The following VPS13B variants were observed in gnomAD, a reference collection of about 807,000 sequenced individuals.
The protein encoded by VPS13B is vacuolar protein sorting 13 homolog B.
VPS13B carries 285 observed loss-of-function variants against 426.4 expected under a neutral mutation model. The ratio of observed to expected loss-of-function variants is 0.67; its 90% CI spans 0.61 to 0.74. VPS13B has a LOEUF of 0.74. Ranked by LOEUF, VPS13B falls within the 30% of genes least tolerant of loss-of-function variation. The pLI is 0.00. For synonymous variants in VPS13B, 1,676 were observed against 1,676.4 expected (o/e 1.00, Z 0.01); for missense variants, 4,537 against 4,782.6 (o/e 0.95, Z 1.51).
intron 33 of VPS13B, among the ~76,000 whole-genome samples, chr8:99,592,169 T>C (rs1826719231): frequency 6.6e-6 from 1 of 152,038 alleles, no homozygotes; most frequent in Admixed American, 6.6e-5. Context: ...CTCCATCAGG[T>C]CATTTAAGGT....
rs1563687374 is a variant in VPS13B at position 99,360,238 on chromosome 8, CTCTCCTTCCTTCCTTCCT to C, written c.2825-23967_2825-23950del. 2.9e-3 allele frequency among the ~76,000 whole-genome samples: 279 copies of C among 95,326 alleles called. 17 individuals are homozygous for C. Among genetic ancestry groups the C allele is most frequent in the African/African-American group, 0.011 (263 of 23,138 alleles). 62.5% of individuals were successfully genotyped at this position (95,326 alleles called of 152,430 possible). A position where few individuals can be genotyped will look rare whatever the true frequency, so the allele number is the denominator to read the frequency against. On this transcript the variant is annotated intron_variant, in intron 19 of 61. Transcript: ENST00000357162. ...TCTTTCTTTCTTTCTTTCTTTCTCT[CTCTCCTTCCTTCCTTCCT>C]TCCTTCCTTCCTTCCTTCCTTCCTT...
At chr8:99,378,137 C>T (rs1037123662) in intron 19 of VPS13B, among the ~76,000 whole-genome samples, 6 of 125,514 alleles carry the variant, frequency 4.8e-5, no homozygotes, top group Non-Finnish European at 1.0e-4. Flanking sequence ...TTTTAGAGCC[C>T]CCCCCCCCCG....
At chr8:99,078,742 C>T (rs368113599) in intron 3 of VPS13B, among the ~76,000 whole-genome samples, 4 of 152,050 alleles carry the variant, frequency 2.6e-5, no homozygotes, top group African/African-American at 4.8e-5. Flanking sequence ...GTAGCAATAG[C>T]GGTGGCAGGC....
chr8:99,684,850 C>A (rs1170328942), intron 35 of VPS13B, among the ~76,000 whole-genome samples: 1 of 152,242 alleles, frequency 6.6e-6, no homozygotes, highest in African/African-American at 2.4e-5. Context: ...GTCGCCCAGG[C>A]TGGAGTGCAG....
intron 33 of VPS13B, among the ~76,000 whole-genome samples, chr8:99,580,624 C>T (rs571728180): frequency 2.5e-4 from 38 of 151,538 alleles, no homozygotes; most frequent in Non-Finnish European, 4.3e-4. Flanking sequence ...CTGAGGTGGG[C>T]GGATTGCTTG....
chr8:99,823,784 T>C (rs760283066), intron 50 of VPS13B, 48 bp from the exon 51 acceptor site: 2 of 1,580,054 alleles, frequency 1.3e-6, no homozygotes, highest in Admixed American at 3.3e-5. Flanking sequence ...GAGATTTTGA[T>C]ATGCCTTACA....
At chr8:99,755,734 C>T (rs1471192618) in intron 39 of VPS13B, among the ~76,000 whole-genome samples, 1 of 151,804 alleles carries the variant, frequency 6.6e-6, no homozygotes, top group Non-Finnish European at 1.5e-5. Context: ...GTGCCACTGC[C>T]CTGCAGCCTG....
chr8:99,104,648 G>A lies in VPS13B; in HGVS notation c.580+1528G>A, dbSNP rs375439608. Among the ~76,000 whole-genome samples, 6 of 147,274 alleles carry A rather than the reference G, an allele frequency of 4.1e-5. No individual in the cohort carries two copies. The South Asian group carries it at 8.7e-4, about 21-fold the overall frequency. ...TCTTCCCCCTTTCCTTTTTGAGAAA[G>A]GGTCTCATTCTGTTGCCCAGGCTGG... On this transcript the variant is annotated intron_variant, in intron 5 of 61. Transcript: ENST00000357162.
At chr8:99,355,769 T>C (rs932899443) in intron 19 of VPS13B, among the ~76,000 whole-genome samples, 2 of 152,204 alleles carry the variant, frequency 1.3e-5, no homozygotes, top group Non-Finnish European at 2.9e-5. Flanking sequence ...AGCTCACATA[T>C]CAGTTTCATA....
chr8:99,697,875 A>G (rs1197244983), intron 35 of VPS13B: 3 of 531,966 alleles, frequency 5.6e-6, no homozygotes, highest in Non-Finnish European at 1.1e-5. Context: ...GTCAACATCA[A>G]TGACCTCATC....
At chr8:99,335,070 C>T (rs1382623378) in intron 19 of VPS13B, among the ~76,000 whole-genome samples, 1 of 152,138 alleles carries the variant, frequency 6.6e-6, no homozygotes, top group African/African-American at 2.4e-5. Flanking sequence ...TCAACTTCTT[C>T]CTGGTTTAGT....
intron 3 of VPS13B, among the ~76,000 whole-genome samples, chr8:99,070,473 C>A (rs991665068): frequency 3.9e-5 from 6 of 152,172 alleles, no homozygotes; most frequent in Non-Finnish European, 8.8e-5. Flanking sequence ...TTAACTACAA[C>A]TGCTTGAGAT....
intron 19 of VPS13B, among the ~76,000 whole-genome samples, chr8:99,379,738 G>C (rs1039005265): frequency 6.6e-6 from 1 of 151,886 alleles, no homozygotes; most frequent in African/African-American, 2.4e-5. Context: ...TTCTTTCTTC[G>C]TGTAATTCAC....
intron 44 of VPS13B, among the ~76,000 whole-genome samples, chr8:99,813,426 G>T (rs1813837207): frequency 6.6e-6 from 1 of 152,182 alleles, no homozygotes; most frequent in Non-Finnish European, 1.5e-5. Context: ...ATATTGCCAG[G>T]CTTGGGCACA....
intron 3 of VPS13B, among the ~76,000 whole-genome samples, chr8:99,044,102 T>TTG (rs1843095500): frequency 6.8e-6 from 1 of 147,030 alleles, no homozygotes; most frequent in Non-Finnish European, 1.5e-5. Context: ...TTTTTTTTTT[T>TTG]GAGACGGAGT....
intron 19 of VPS13B, among the ~76,000 whole-genome samples, chr8:99,315,389 C>G (rs1809583483): frequency 6.6e-6 from 1 of 150,552 alleles, no homozygotes; most frequent in Admixed American, 6.6e-5. Context: ...TCTTCATGTG[C>G]TGGATTTTTT....
intron 20 of VPS13B, among the ~76,000 whole-genome samples, chr8:99,387,682 G>A (rs576864625): frequency 1.3e-5 from 2 of 152,094 alleles, no homozygotes; most frequent in East Asian, 3.9e-4. Flanking sequence ...GCATAGTTGA[G>A]CCATATGTTT....
chr8:99,514,804 G>C (rs1225058233), intron 29 of VPS13B, among the ~76,000 whole-genome samples: 2 of 152,168 alleles, frequency 1.3e-5, no homozygotes, highest in African/African-American at 4.8e-5. Context: ...GTACACCTAA[G>C]AGTGGAATTT....
chr8:99,499,802 A>G (rs1263620177), intron 25 of VPS13B, among the ~76,000 whole-genome samples: 1 of 152,004 alleles, frequency 6.6e-6, no homozygotes, highest in African/African-American at 2.4e-5. Flanking sequence ...TAACTCTATA[A>G]TTTTCTCTAA....
Sources: gnomAD v4.1 joint callset for allele counts (sites outside exome capture counted in the v4.1 genomes callset) on GRCh38, gnomAD v4.1.1 for gene constraint, MANE v1.5 for transcripts, NCBI Gene and HGNC (gene_info 2026-07-23, HGNC 2026-07-21) for gene names.